The following KCNT2 variants were observed in gnomAD, a reference collection of about 807,000 sequenced individuals.
The protein encoded by KCNT2 is potassium sodium-activated channel subfamily T member 2.
Under a neutral mutation model 153.8 loss-of-function variants are expected in KCNT2, and 67 were observed. The observed-to-expected ratio is 0.44, with a 90% CI of 0.36 to 0.53. The LOEUF (loss-of-function observed/expected upper bound fraction) is 0.53, where lower values mean the gene tolerates loss of function less well. Among genes scored for constraint, KCNT2 ranks in the 20% least tolerant of loss-of-function variants. The pLI is 0.00. For missense variants in KCNT2, 975 were observed against 1,354.8 expected (o/e 0.72, Z 4.40); for synonymous variants, 500 against 458.8 (o/e 1.09, Z -1.15).
intron 8 of KCNT2, among the ~76,000 whole-genome samples, chr1:196,465,051 A>T (rs549842607): frequency 2.0e-5 from 3 of 152,014 alleles, no homozygotes; most frequent in Non-Finnish European, 4.4e-5. Flanking sequence ...TGTTTACAGC[A>T]GTTGGTAAAA....
chr1:196,499,580 C>T (rs555777883), intron 1 of KCNT2, among the ~76,000 whole-genome samples: 3 of 152,240 alleles, frequency 2.0e-5, no homozygotes, highest in Admixed American at 6.5e-5. Context: ...GAGATAAAAT[C>T]ATCTTACTTT....
intron 1 of KCNT2, among the ~76,000 whole-genome samples, chr1:196,558,380 CGTGTGTGTGT>C (rs142132505): frequency 6.8e-6 from 1 of 147,228 alleles, no homozygotes; most frequent in Non-Finnish European, 1.5e-5. Context: ...TCTAAAATAA[CGTGTGTGTGT>C]GTGTGTGTGT....
chr1:196,516,074 C>A (rs1297716647), intron 1 of KCNT2, among the ~76,000 whole-genome samples: 2 of 152,180 alleles, frequency 1.3e-5, no homozygotes, highest in African/African-American at 4.8e-5. Flanking sequence ...GAGGTCAGAC[C>A]TGCGTACATA....
At chr1:196,430,510 C>T (rs1012818648) in intron 8 of KCNT2, among the ~76,000 whole-genome samples, 3 of 151,872 alleles carry the variant, frequency 2.0e-5, no homozygotes, top group African/African-American at 4.8e-5. Flanking sequence ...AGGCCCTCAC[C>T]AGTTGCCAGC....
chr1:196,605,713 G>A (rs1218898036), intron 1 of KCNT2, among the ~76,000 whole-genome samples: 2 of 152,126 alleles, frequency 1.3e-5, no homozygotes, highest in African/African-American at 4.8e-5. Flanking sequence ...TAATTGCAAA[G>A]AGGAATTTGT....
At chr1:196,231,892 G>A (rs1653989621) in intron 27 of KCNT2, among the ~76,000 whole-genome samples, 1 of 151,784 alleles carries the variant, frequency 6.6e-6, no homozygotes, top group East Asian at 1.9e-4. Flanking sequence ...AGCATTCTAA[G>A]AAAGTCATGT....
chr1:196,550,589 C>A (rs926549786), intron 1 of KCNT2, among the ~76,000 whole-genome samples: 3 of 151,526 alleles, frequency 2.0e-5, no homozygotes, highest in Admixed American at 1.3e-4. Context: ...GGATGTTAAA[C>A]CTAAAGAATA....
chr1:196,265,878 T>A (rs1445205787), intron 25 of KCNT2, among the ~76,000 whole-genome samples: 5 of 152,274 alleles, frequency 3.3e-5, no homozygotes, highest in Non-Finnish European at 5.9e-5. Context: ...TAAAATCTGA[T>A]GAAGCAACCA....
At chr1:196,468,226 A>T (rs571213770) in intron 6 of KCNT2, among the ~76,000 whole-genome samples, 1 of 152,216 alleles carries the variant, frequency 6.6e-6, no homozygotes, top group Admixed American at 6.5e-5. Flanking sequence ...GTTCAATTAG[A>T]ATTATATTTA....
intron 14 of KCNT2, among the ~76,000 whole-genome samples, 153 bp downstream of exon 14, chr1:196,372,983 CTTTA>C (rs1668660486): frequency 6.6e-6 from 1 of 151,848 alleles, no homozygotes; most frequent in South Asian, 2.1e-4. Flanking sequence ...TTTAACATGT[CTTTA>C]TTTATCTACC....
rs370748393 is a variant in KCNT2, at chr1:196,435,386, T to C, written c.639-5629A>G. On this transcript the variant is annotated intron_variant, in intron 8 of 27. Coordinates refer to ENST00000294725, the MANE Select transcript of KCNT2 (RefSeq NM_198503.5). ...TTTGTTTCAGGTAGTAATATTTAAA[T>C]ATAATAAATGAAAAATTGGGGAATT... 1.1e-4 allele frequency among the ~76,000 whole-genome samples: 17 copies of C among 150,968 alleles called. No individual in the cohort carries two copies. The East Asian group carries it at 2.7e-3, about 24-fold the overall frequency.
At chr1:196,573,016 C>T (rs561859375) in intron 1 of KCNT2, among the ~76,000 whole-genome samples, 5 of 152,104 alleles carry the variant, frequency 3.3e-5, no homozygotes, top group South Asian at 2.1e-4. Flanking sequence ...CTTGTCTCTT[C>T]GGGATTTTAA....
intron 13 of KCNT2, among the ~76,000 whole-genome samples, chr1:196,398,196 G>A (rs531806777): frequency 6.6e-6 from 1 of 151,400 alleles, no homozygotes; most frequent in African/African-American, 2.4e-5. Flanking sequence ...ATTATCTATA[G>A]CCAAATATCA....
chr1:196,469,137 G>C (rs532256577), intron 5 of KCNT2, 69 bp from the exon 6 acceptor site: 100 of 855,212 alleles, frequency 1.2e-4, no homozygotes, highest in Non-Finnish European at 1.8e-4. Context: ...GAAAAAGACA[G>C]CACTTAGAAT....
chr1:196,384,388 A>T (rs1365895534), intron 13 of KCNT2, among the ~76,000 whole-genome samples: 1 of 152,134 alleles, frequency 6.6e-6, no homozygotes, highest in Non-Finnish European at 1.5e-5. Context: ...CCAGACCAAA[A>T]AAACCCAGAG....
At chr1:196,374,207 C>G (rs545464846) in intron 13 of KCNT2, among the ~76,000 whole-genome samples, 2 of 151,794 alleles carry the variant, frequency 1.3e-5, no homozygotes, top group South Asian at 4.2e-4. Flanking sequence ...AAAAGTAGCA[C>G]TTTTAGCAAA....
Position 196,396,268 on chromosome 1 carries a change from T to C in KCNT2, c.1294+2295A>G, listed in dbSNP as rs1476782529. 7.9e-5 allele frequency among the ~76,000 whole-genome samples: 12 copies of C among 151,708 alleles called. No individual in the cohort carries two copies. The Admixed American group carries it at 7.9e-4, about 10-fold the overall frequency. Reference sequence around the variant, plus strand: ...AGAACCAGTATGACCTTTTAAGTCTTAGCTTCTGTTGTTACACAGTGTAAG... The same window carrying C: ...AGAACCAGTATGACCTTTTAAGTCTCAGCTTCTGTTGTTACACAGTGTAAG... On this transcript the variant is annotated intron_variant, in intron 13 of 27. Transcript: ENST00000294725.
At chr1:196,423,170 G>T in intron 11 of KCNT2, 57 bp from the exon 12 acceptor site, 1 of 1,168,382 alleles carries the variant, frequency 8.6e-7, no homozygotes, top group Non-Finnish European at 1.2e-6. Context: ...CAGGTTTTCT[G>T]AAAAATAGAA....
intron 12 of KCNT2, among the ~76,000 whole-genome samples, chr1:196,407,505 C>T (rs1671927141): frequency 6.6e-6 from 1 of 151,222 alleles, no homozygotes; most frequent in Non-Finnish European, 1.5e-5. Flanking sequence ...GACTAAAGAG[C>T]TAAATAAAAT....
Sources: gnomAD v4.1 joint callset for allele counts (sites outside exome capture counted in the v4.1 genomes callset) on GRCh38, gnomAD v4.1.1 for gene constraint, MANE v1.5 for transcripts, NCBI Gene and HGNC (gene_info 2026-07-23, HGNC 2026-07-21) for gene names.